SNX13: variants seen among roughly 807,000 people sequenced by gnomAD.
The protein encoded by SNX13 is sorting nexin-13.
SNX13 carries 45 observed loss-of-function variants against 133.6 expected under a neutral mutation model. That is an observed-to-expected ratio of 0.34 (90% CI 0.27 to 0.43). The LOEUF is 0.43. SNX13 is among the 20% of genes least tolerant of loss of function. The probability of loss-of-function intolerance (pLI) is 1.00; values close to 1 mark genes in which losing one functional copy is unlikely to be tolerated. For missense variants in SNX13, 1,032 were observed against 1,145.1 expected (o/e 0.90, Z 1.43); for synonymous variants, 414 against 373.9 (o/e 1.11, Z -1.24).
At chr7:17,884,237 A>G (rs983473476) in intron 5 of SNX13, among the ~76,000 whole-genome samples, 1 of 152,230 alleles carries the variant, frequency 6.6e-6, no homozygotes, top group Non-Finnish European at 1.5e-5. Context: ...GAAATACACT[A>G]AAACATTAAC....
At chr7:17,844,147 A>G (rs1790224472) in intron 12 of SNX13, among the ~76,000 whole-genome samples, 1 of 152,122 alleles carries the variant, frequency 6.6e-6, no homozygotes, top group African/African-American at 2.4e-5. Context: ...TGATTCTTTG[A>G]AAAGAGTGAC....
chr7:17,831,116 A>G, intron 15 of SNX13: 1 of 984,374 alleles, frequency 1.0e-6, no homozygotes, highest in Non-Finnish European at 1.2e-6. Context: ...CCCACCAAAG[A>G]CAAGTCAAGT....
chr7:17,939,416 G>A (rs1562557747), intron 1 of SNX13, among the ~76,000 whole-genome samples: 1 of 152,186 alleles, frequency 6.6e-6, no homozygotes, highest in South Asian at 2.1e-4. Context: ...ACCTACACCT[G>A]CAGATACTAC....
At chr7:17,935,216 C>A (rs1419342662) in intron 1 of SNX13, among the ~76,000 whole-genome samples, 3 of 152,152 alleles carry the variant, frequency 2.0e-5, no homozygotes, top group African/African-American at 7.2e-5. Context: ...TCACTTGCTA[C>A]AACATGAACG....
intron 1 of SNX13, among the ~76,000 whole-genome samples, chr7:17,911,491 T>G (rs1475394292): frequency 6.6e-6 from 1 of 151,874 alleles, no homozygotes; most frequent in African/African-American, 2.4e-5. Flanking sequence ...ATACAAAAAT[T>G]AGCCAGGCGT....
intron 13 of SNX13, among the ~76,000 whole-genome samples, chr7:17,835,850 G>A (rs903211095): frequency 3.9e-5 from 6 of 151,996 alleles, no homozygotes; most frequent in Non-Finnish European, 7.4e-5. Flanking sequence ...AGTAGGTTGT[G>A]TGGTGGTTGT....
In SNX13 at chr7:17,929,721, T is replaced by C. The variant is rs183068108; in HGVS notation, c.12+10563A>G. 2.6e-5 allele frequency among the ~76,000 whole-genome samples: 4 copies of C among 152,318 alleles called. No homozygotes were observed. In the East Asian group the frequency reaches 7.7e-4, roughly 29 times the overall value. On this transcript the variant is annotated intron_variant, in intron 1 of 25. Transcript: ENST00000428135. ...AGTGTACTACAATCTTTCCTTTTCA[T>C]TTCATCTACAGTAAAAGTTTTAGTG...
intron 5 of SNX13, 174 bp downstream of exon 5, chr7:17,890,189 T>A: frequency 2.2e-6 from 1 of 464,786 alleles, no homozygotes; most frequent in Non-Finnish European, 3.5e-6. Flanking sequence ...AAATCTGGGG[T>A]AATTTAAAGG....
intron 20 of SNX13, among the ~76,000 whole-genome samples, chr7:17,804,935 GA>G (rs1056141540): frequency 4.0e-4 from 61 of 152,206 alleles, no homozygotes; most frequent in African/African-American, 1.3e-3. Flanking sequence ...AAAACTAGAA[GA>G]GGTAAAATGC....
In SNX13 at chr7:17,798,739, C is replaced by T. The variant is rs746674888; in HGVS notation, c.2464G>A (p.Asp822Asn). The change falls in exon 24 of 26, where the codon GAC becomes AAC. Residue 822 changes from aspartate to asparagine, a missense_variant. Transcript: ENST00000428135. ...TINRKIVDHV[D>N]WMTSPEQVAD... is the part of the protein sequence containing the mutation. ...ACTTGTTCAGGTGAAGTCATCCAGTCAACATGGTCAACTATTTTTCTGAAA... is the reference window on the plus strand; with the variant it reads ...ACTTGTTCAGGTGAAGTCATCCAGTTAACATGGTCAACTATTTTTCTGAAA... 19 of 1,558,264 alleles carry T rather than the reference C, an allele frequency of 1.2e-5. No individual in the cohort carries two copies. The highest frequency in any genetic ancestry group is 1.6e-5 in the Non-Finnish European group (18 of 1,158,074).
At chr7:17,932,728 G>A (rs1801539672) in intron 1 of SNX13, among the ~76,000 whole-genome samples, 2 of 152,178 alleles carry the variant, frequency 1.3e-5, no homozygotes, top group African/African-American at 4.8e-5. Context: ...CTCTTCAATT[G>A]CAAGAAATCC....
rs1802702527 is a variant in SNX13 at position 17,940,386 on chromosome 7, G to A, written c.-91C>T. On this transcript the variant is annotated 5_prime_UTR_variant, in exon 1 of 26. Coordinates refer to ENST00000428135, the MANE Select transcript of SNX13 (RefSeq NM_015132.5). Reference sequence around the variant, plus strand: ...GAAAACTGCTCGGGCCGCCGCCAACGGCGGCAACTGCTCCTTCAGTCTTCT... The same window carrying A: ...GAAAACTGCTCGGGCCGCCGCCAACAGCGGCAACTGCTCCTTCAGTCTTCT... The A allele has an allele frequency of 7.0e-6, 10 of 1,430,038 alleles. 1 individual carries two copies. Among genetic ancestry groups the A allele is most frequent in the South Asian group, 3.7e-5 (3 of 81,670 alleles). The allele number at this position is 1,430,038 out of a possible 1,614,324, so 88.6% of individuals were successfully genotyped here.
intron 1 of SNX13, among the ~76,000 whole-genome samples, chr7:17,918,548 C>T: frequency 6.6e-6 from 1 of 151,888 alleles, no homozygotes; most frequent in Admixed American, 6.6e-5. Flanking sequence ...TAGAGAAAAG[C>T]AAATGAGGTA....
intron 25 of SNX13, 188 bp from the exon 26 acceptor site, chr7:17,794,480 C>A (rs552511552): frequency 1.1e-4 from 71 of 644,988 alleles, no homozygotes; most frequent in Admixed American, 1.6e-4. Flanking sequence ...TCTATTTACG[C>A]ACTTAATGCA....
chr7:17,854,766 G>A (rs1016163069), intron 9 of SNX13, among the ~76,000 whole-genome samples: 1 of 152,044 alleles, frequency 6.6e-6, no homozygotes, highest in Non-Finnish European at 1.5e-5. Context: ...CTCTAGTAGG[G>A]CCTCTCTATT....
intron 18 of SNX13, among the ~76,000 whole-genome samples, chr7:17,818,961 G>C (rs1786977104): frequency 6.6e-6 from 1 of 152,060 alleles, no homozygotes. Flanking sequence ...AAATAAAACA[G>C]AAATGCACAG....
intron 12 of SNX13, among the ~76,000 whole-genome samples, chr7:17,841,535 C>T (rs188946594): frequency 7.2e-6 from 1 of 138,246 alleles, no homozygotes; most frequent in African/African-American, 2.8e-5. Flanking sequence ...TTATTAGATT[C>T]AAACAGCCAG....
At chr7:17,858,487 C>T (rs1296357111) in intron 9 of SNX13, among the ~76,000 whole-genome samples, 1 of 151,794 alleles carries the variant, frequency 6.6e-6, no homozygotes, top group Non-Finnish European at 1.5e-5. Flanking sequence ...CTGAGAGAAA[C>T]TACAGAGGCT....
At chr7:17,871,881 C>T (rs1375406025) in intron 8 of SNX13, among the ~76,000 whole-genome samples, 1 of 152,162 alleles carries the variant, frequency 6.6e-6, no homozygotes, top group Non-Finnish European at 1.5e-5. Flanking sequence ...TAAGGCCACA[C>T]TACATGCGAA....
Sources: gnomAD v4.1 joint callset for allele counts (sites outside exome capture counted in the v4.1 genomes callset) on GRCh38, gnomAD v4.1.1 for gene constraint, MANE v1.5 for transcripts, NCBI Gene and HGNC (gene_info 2026-07-23, HGNC 2026-07-21) for gene names.